The following TTN variants were observed in gnomAD, a reference collection of about 807,000 sequenced individuals.
The protein encoded by TTN is connectin.
In TTN, 1,525 loss-of-function variants were observed where a neutral mutation model predicts 3,223.0. The observed-to-expected ratio is 0.47, with a 90% confidence interval of 0.45 to 0.49. The LOEUF is 0.49. Among genes scored for constraint, TTN ranks in the 20% least tolerant of loss-of-function variants. The pLI is 0.00. For missense variants in TTN, 40,786 were observed against 43,424.0 expected (o/e 0.94, Z 5.40); for synonymous variants, 14,094 against 15,161.0 (o/e 0.93, Z 5.17).
At chr2:178,758,009 A>G in intron 44 of TTN, 93 bp from the exon 45 acceptor site, 2 of 1,358,664 alleles carry the variant, frequency 1.5e-6, no homozygotes, top group Middle Eastern at 2.3e-4. Context: ...AAATTTCAAT[A>G]ATGGACTAGA....
In TTN at chr2:178,552,282, A is replaced by T; in HGVS notation, c.90618T>A (p.Leu30206=). The T allele has an allele frequency of 1.2e-6, 2 of 1,613,474 alleles. No homozygotes were observed. The highest frequency in any genetic ancestry group is 1.7e-6 in the Non-Finnish European group (2 of 1,179,658). The change falls in exon 335 of 363, where the codon CTT becomes CTA. Residue 30206 remains leucine (L), a synonymous_variant. Coordinates refer to ENST00000589042, the MANE Select transcript of TTN (RefSeq NM_001267550.2). The part of the protein sequence containing the change: ...KEHGGKYTVI[L]DNAVCRIAVP... ...CTGCAATTCTACACACTGCATTATCAAGAATAACAGTGTATTTTCCTCCAT... is the reference window on the plus strand; with the variant it reads ...CTGCAATTCTACACACTGCATTATCTAGAATAACAGTGTATTTTCCTCCAT...
In TTN at chr2:178,632,733, C is replaced by A; in HGVS notation, c.43273G>T (p.Ala14425Ser). 6.2e-7 allele frequency: 1 copy of A among 1,613,274 alleles called. No individual in the cohort carries two copies. The highest frequency in any genetic ancestry group is 8.5e-7 in the Non-Finnish European group (1 of 1,179,546). ...SDVKVFEKDE[A>S]KFECEVSREP... ...CTGGATACTTCACACTCAAACTTAG[C>A]CTCATCTTTCTCGAAGACTTTAACA... Residue 14425 changes from alanine (A) to serine (S), a missense_variant, in exon 235 of 363, where the codon GCT becomes TCT. By Grantham distance (99) the Ala-to-Ser change is moderately conservative. Transcript: ENST00000589042.
chr2:178,805,643 A>G (rs772325309), intron 1 of TTN, among the ~76,000 whole-genome samples: 44 of 152,210 alleles, frequency 2.9e-4, no homozygotes, highest in Non-Finnish European at 5.0e-4. Context: ...GTAACTGTGC[A>G]GTAAATGTTG....
At position 178,770,708 on chromosome 2, in the gene TTN, A is replaced by G. The variant is rs771955380; in HGVS notation, c.8117-33T>C. ...CAAATTTATGATTGGGTTAGAAAAT[A>G]TAGATGACATCATCAAGGAAAAGAA... is the stretch of plus-strand genomic sequence containing the variant. On this transcript the variant is annotated intron_variant, in intron 34 of 362. Transcript: ENST00000589042. 2.5e-6 allele frequency: 4 copies of G among 1,601,852 alleles called. No homozygotes were observed. In the African/African-American group the frequency reaches 5.3e-5, roughly 21 times the overall value.
chr2:178,539,324 T>C (rs1693250404), intron 352 of TTN, 58 bp downstream of exon 352: 1 of 1,594,314 alleles, frequency 6.3e-7, no homozygotes, highest in East Asian at 2.2e-5. Context: ...GACTTTCATT[T>C]AAAAACAGAA....
chr2:178,613,629 G>T, intron 263 of TTN, 122 bp downstream of exon 263: 1 of 967,440 alleles, frequency 1.0e-6, no homozygotes, highest in Non-Finnish European at 1.5e-6. Context: ...TAGAAAATAT[G>T]AGTAAAAGTA....
Position 178,771,295 on chromosome 2 carries a change from T to C in TTN, c.8032A>G (p.Ile2678Val). ...ATGTCATCTAATTTGGTGGCAGCAA[T>C]GATAAGTCTCCTTTTGTGGCCATCA... ...ESDGHKRRLI[I>V]AATKLDDIGE... The change falls in exon 34 of 363, where the codon ATT (isoleucine) becomes GTT (valine). Residue 2678 changes from isoleucine (I) to valine (V), a missense_variant. Ile to Val is a conservative substitution (Grantham distance 29, BLOSUM62 3). Transcript: ENST00000589042. 6.2e-7 allele frequency: 1 copy of C among 1,614,146 alleles called. No homozygotes were observed. The highest frequency in any genetic ancestry group is 8.5e-7 in the Non-Finnish European group (1 of 1,180,014).
chr2:178,599,815 C>T lies in TTN; in HGVS notation c.56086G>A (p.Val18696Ile). The T allele has an allele frequency of 6.2e-7, 1 of 1,601,534 alleles. No homozygotes were observed. The highest frequency in any genetic ancestry group is 8.5e-7 in the Non-Finnish European group (1 of 1,174,896). Residue 18696 changes from valine (V) to isoleucine (I), a missense_variant, in exon 289 of 363, where the codon GTT (valine) becomes ATT (isoleucine). Val to Ile is a conservative substitution (Grantham distance 29). Coordinates refer to ENST00000589042, the MANE Select transcript of TTN (RefSeq NM_001267550.2). ...PSIDLKEFME[V>I]EEGTNVNIVA... ...ATGTTAACATTGGTTCCTTCTTCAA[C>T]CTCCATGAATTCTTTTAGATCAATT... is the stretch of plus-strand genomic sequence containing the variant.
chr2:178,611,357 ACC>A lies in TTN; in HGVS notation c.50857+13_50857+14del. On this transcript the variant is annotated intron_variant, in intron 269 of 362. Coordinates refer to ENST00000589042, the MANE Select transcript of TTN (RefSeq NM_001267550.2). ...AAGGGTATTTTATTAACTATAAAAG[ACC>A]TTGTGCTCTTACAGTCTGGGTCTTT... 1 of 1,612,376 alleles carries A rather than the reference ACC, an allele frequency of 6.2e-7. No individual in the cohort carries two copies. The highest frequency in any genetic ancestry group is 8.5e-7 in the Non-Finnish European group (1 of 1,179,208).
At position 178,634,325 on chromosome 2, in the gene TTN, A is replaced by T; in HGVS notation, c.42415+41T>A. On this transcript the variant is annotated intron_variant, in intron 230 of 362. Transcript: ENST00000589042. The surrounding 1 kb of genome is among the most constrained non-coding windows in gnomAD (Gnocchi z 4.6). The stretch of plus-strand genomic sequence containing the variant: ...CCTATCTTTAAAGTCATATATTTGC[A>T]TGCCTTTATGGGATGTCACAGATCT... 6.4e-7 allele frequency: 1 copy of T among 1,573,720 alleles called. No individual in the cohort carries two copies. Among genetic ancestry groups the T allele is most frequent in the Non-Finnish European group, 8.6e-7 (1 of 1,169,538 alleles).
At position 178,689,127 on chromosome 2, in the gene TTN, A is replaced by G. The variant is rs762662455; in HGVS notation, c.32021T>C (p.Leu10674Pro). ...CTCCTCTGGGACGGGTTTCTTAGGC[A>G]GAGCTGGCACTTTAGAGACATTATG... ...EVPPPPKVPA[L>P]PKKPVPEEKV... The change falls in exon 125 of 363, where the codon CTG becomes CCG. Residue 10674 changes from leucine to proline, a missense_variant. Leu to Pro is a moderately conservative substitution (Grantham distance 98). Transcript: ENST00000589042. 1.4e-5 allele frequency: 22 copies of G among 1,606,002 alleles called. No homozygotes were observed. The Admixed American group carries it at 3.8e-4, about 28-fold the overall frequency.
At chr2:178,629,974 A>G (rs867673328) in intron 239 of TTN, among the ~76,000 whole-genome samples, 1 of 152,176 alleles carries the variant, frequency 6.6e-6, no homozygotes, top group Middle Eastern at 3.4e-3. Flanking sequence ...TTGTATGTGT[A>G]TCTACTTTCA....
intron 102 of TTN, among the ~76,000 whole-genome samples, chr2:178,706,221 C>T (rs2075838026): frequency 6.6e-6 from 1 of 152,200 alleles, no homozygotes; most frequent in Non-Finnish European, 1.5e-5. Flanking sequence ...TGCAAAATGG[C>T]ATAGTATTTG....
intron 47 of TTN, chr2:178,747,095 G>A: frequency 6.2e-7 from 1 of 1,609,158 alleles, no homozygotes; most frequent in Non-Finnish European, 8.5e-7. Context: ...TCGCTCTAGA[G>A]TCTCTCCTGG....
In TTN at chr2:178,539,368, G is replaced by A. The variant is rs779592120; in HGVS notation, c.98683+14C>T. 9 of 1,605,126 alleles carry A rather than the reference G, an allele frequency of 5.6e-6. No individual in the cohort carries two copies. The highest frequency in any genetic ancestry group is 7.7e-6 in the Non-Finnish European group (9 of 1,173,982). ...AAATAATGTTTATAATTTTGTGGTT[G>A]AAAGGGCACTTACTCAATGGTGTTT... On this transcript the variant is annotated intron_variant, in intron 352 of 362. Transcript: ENST00000589042.
At chr2:178,746,208 C>T in intron 47 of TTN, 1 of 1,613,078 alleles carries the variant, frequency 6.2e-7, no homozygotes, top group Non-Finnish European at 8.5e-7. Context: ...CATTTGAATA[C>T]AGCATCTGAA....
intron 257 of TTN, among the ~76,000 whole-genome samples, chr2:178,615,989 G>C (rs1238520347): frequency 1.3e-5 from 2 of 151,890 alleles, no homozygotes; most frequent in Admixed American, 1.3e-4. Flanking sequence ...CTGCTTCATA[G>C]TTTGTACACA....
In TTN at chr2:178,573,743, A is replaced by G; in HGVS notation, c.72389T>C (p.Leu24130Ser). The change falls in exon 326 of 363, where the codon TTG becomes TCG. Residue 24130 changes from leucine (L) to serine (S), a missense_variant. By Grantham distance (145) the Leu-to-Ser change is moderately radical. Transcript: ENST00000589042. ...LDRPGPPEGP[L>S]AVTEVTSEKC... ...TTCTGATGTCACTTCAGTTACAGCC[A>G]AAGGTCCTTCAGGTGGGCCTGGTCT... is the stretch of plus-strand genomic sequence containing the variant. 6.3e-7 allele frequency: 1 copy of G among 1,576,198 alleles called. No homozygotes were observed. Among genetic ancestry groups the G allele is most frequent in the Non-Finnish European group, 8.6e-7 (1 of 1,163,140 alleles).
Position 178,590,100 on chromosome 2 carries a change from G to A in TTN, c.61625C>T (p.Ala20542Val), listed in dbSNP as rs373529637. Residue 20542 changes from alanine to valine, a missense_variant, in exon 304 of 363, where the codon GCT (alanine) becomes GTT (valine). Coordinates refer to ENST00000589042, the MANE Select transcript of TTN (RefSeq NM_001267550.2). ...TGAGATGATATACTTGCCATGATCA[G>A]CTCTAACAGCTTCTTTAATTTGTAA... ...VELQIKEAVRADHGKYIISAK... is the reference protein window; with the variant it reads ...VELQIKEAVRVDHGKYIISAK... 1.9e-6 allele frequency: 3 copies of A among 1,613,202 alleles called. No individual in the cohort carries two copies. In the Admixed American group the frequency reaches 5.0e-5, roughly 27 times the overall value.
Sources: allele counts gnomAD v4.1 joint callset (sites outside exome capture counted in the v4.1 genomes callset), GRCh38; gene constraint gnomAD v4.1.1; non-coding constraint Gnocchi (gnomAD v3.1); transcripts MANE v1.5; gene names NCBI Gene and HGNC (gene_info 2026-07-23, HGNC 2026-07-21).